FBXL17: variants seen among roughly 807,000 people sequenced by gnomAD.
FBXL17 encodes the protein F-box and leucine rich repeat protein 17.
In FBXL17, 22 loss-of-function variants were observed where a neutral mutation model predicts 66.2. The ratio of observed to expected loss-of-function variants is 0.33; its 90% CI spans 0.24 to 0.47. FBXL17 has a LOEUF of 0.47. Ranked by LOEUF, FBXL17 falls within the 20% of genes least tolerant of loss-of-function variation. The pLI is 1.00. For missense variants in FBXL17, 878 were observed against 948.2 expected (o/e 0.93, Z 0.97); for synonymous variants, 474 against 400.5 (o/e 1.18, Z -2.19).
At chr5:107,898,953 T>G (rs1395697195) in intron 7 of FBXL17, among the ~76,000 whole-genome samples, 1 of 152,176 alleles carries the variant, frequency 6.6e-6, no homozygotes, top group Non-Finnish European at 1.5e-5. Context: ...TATAATAGAA[T>G]GATTTATATT....
chr5:108,317,489 T>C (rs930616299), intron 4 of FBXL17, among the ~76,000 whole-genome samples: 1 of 151,200 alleles, frequency 6.6e-6, no homozygotes, highest in African/African-American at 2.4e-5. Flanking sequence ...TATGTACAAC[T>C]ACTATACATC....
intron 5 of FBXL17, among the ~76,000 whole-genome samples, chr5:108,219,928 C>CTTTTTT: frequency 3.2e-4 from 12 of 37,458 alleles, no homozygotes; most frequent in Admixed American, 7.1e-4. Context: ...TTACTATTTC[C>CTTTTTT]TTTTTTTTTT....
At chr5:108,379,532 G>C (rs148312740) in intron 1 of FBXL17, among the ~76,000 whole-genome samples, 41 of 152,198 alleles carry the variant, frequency 2.7e-4, no homozygotes, top group South Asian at 8.3e-4. Context: ...CAAACACACA[G>C]TACTGTAAAT....
intron 6 of FBXL17, among the ~76,000 whole-genome samples, chr5:108,122,592 G>T (rs1021663856): frequency 6.6e-6 from 1 of 152,140 alleles, no homozygotes; most frequent in African/African-American, 2.4e-5. Flanking sequence ...TCTCTAGAGA[G>T]AAATGAGTAT....
At chr5:108,176,931 C>T (rs1338082441) in intron 6 of FBXL17, among the ~76,000 whole-genome samples, 1 of 152,052 alleles carries the variant, frequency 6.6e-6, no homozygotes, top group African/African-American at 2.4e-5. Context: ...TGAAAAAACC[C>T]ACATACTTAA....
At chr5:108,010,409 C>T (rs1754130399) in intron 7 of FBXL17, among the ~76,000 whole-genome samples, 1 of 152,240 alleles carries the variant, frequency 6.6e-6, no homozygotes, top group African/African-American at 2.4e-5. Context: ...GTATTGGGTA[C>T]AAGAAACTAC....
chr5:108,273,595 A>C (rs1430759932), intron 4 of FBXL17, among the ~76,000 whole-genome samples: 1 of 151,390 alleles, frequency 6.6e-6, no homozygotes, highest in African/African-American at 2.4e-5. Flanking sequence ...CTCAGAGGCA[A>C]ATGTACAGCC....
intron 4 of FBXL17, among the ~76,000 whole-genome samples, chr5:108,316,587 C>T (rs1034783833): frequency 6.6e-6 from 1 of 151,202 alleles, no homozygotes; most frequent in Admixed American, 6.6e-5. Flanking sequence ...CACTGAAGAG[C>T]ATTTTTAAAT....
At chr5:107,880,875 A>C in intron 8 of FBXL17, 162 bp downstream of exon 8, 1 of 1,418,462 alleles carries the variant, frequency 7.0e-7, no homozygotes, top group Non-Finnish European at 9.2e-7. Context: ...AGTTTACAAA[A>C]GCAGGCAAAC....
chr5:108,133,671 T>A (rs1751021872), intron 6 of FBXL17, among the ~76,000 whole-genome samples: 2 of 151,928 alleles, frequency 1.3e-5, no homozygotes, highest in Non-Finnish European at 2.9e-5. Flanking sequence ...AACGTTGGTC[T>A]ATAGGAAAGC....
intron 5 of FBXL17, among the ~76,000 whole-genome samples, chr5:108,209,062 T>A (rs1306698576): frequency 1.8e-4 from 28 of 152,174 alleles, no homozygotes; most frequent in Admixed American, 1.8e-3. Context: ...TATTTTATTA[T>A]CTTTGTAGCA....
At chr5:107,947,659 G>C (rs1751358447) in intron 7 of FBXL17, among the ~76,000 whole-genome samples, 1 of 152,054 alleles carries the variant, frequency 6.6e-6, no homozygotes, top group Admixed American at 6.6e-5. Context: ...TTTATCTACT[G>C]GCCCTTTCTA....
chr5:108,043,075 G>C (rs1484649730), intron 6 of FBXL17, among the ~76,000 whole-genome samples: 2 of 152,202 alleles, frequency 1.3e-5, no homozygotes, highest in East Asian at 1.9e-4. Context: ...TAACTGGCTT[G>C]TTTTTAATTA....
In FBXL17 at chr5:108,334,156, AAAAT is replaced by A. The variant is rs978065637; in HGVS notation, c.1506+14239_1506+14242del. ...AGAATTTCTAGGTAATTAAGGTTAAAAAATAAATAAACACCTAAATTGCCCAAGA... is the reference window on the plus strand; with the variant it reads ...AGAATTTCTAGGTAATTAAGGTTAAAAAATAAACACCTAAATTGCCCAAGA... On this transcript the variant is annotated intron_variant, in intron 4 of 8. Coordinates refer to ENST00000542267, the MANE Select transcript of FBXL17 (RefSeq NM_001163315.3). 6.8e-4 allele frequency among the ~76,000 whole-genome samples: 103 copies of A among 152,340 alleles called. 1 individual carries two copies. The highest frequency in any genetic ancestry group is 2.3e-3 in the African/African-American group (96 of 41,578).
intron 7 of FBXL17, among the ~76,000 whole-genome samples, chr5:107,988,739 G>T (rs577137290): frequency 6.6e-6 from 1 of 152,008 alleles, no homozygotes; most frequent in East Asian, 1.9e-4. Flanking sequence ...CTTTAAATTT[G>T]TTGGTCCATT....
intron 7 of FBXL17, among the ~76,000 whole-genome samples, chr5:107,883,740 A>T (rs1013040470): frequency 6.6e-6 from 1 of 152,176 alleles, no homozygotes; most frequent in African/African-American, 2.4e-5. Flanking sequence ...TCGTACAGAG[A>T]AGGTTCTTAA....
chr5:108,119,355 GAA>G (rs1750386073), intron 6 of FBXL17, among the ~76,000 whole-genome samples: 1 of 152,116 alleles, frequency 6.6e-6, no homozygotes, highest in South Asian at 2.1e-4. Context: ...TCAGGGAATG[GAA>G]ACTGCTATTC....
intron 7 of FBXL17, among the ~76,000 whole-genome samples, chr5:107,993,758 C>T (rs2112698670): frequency 6.6e-6 from 1 of 152,220 alleles, no homozygotes; most frequent in East Asian, 1.9e-4. Flanking sequence ...CCTGTCAAAT[C>T]ACACTCCTTG....
chr5:107,945,973 G>A (rs1039851274), intron 7 of FBXL17, among the ~76,000 whole-genome samples: 1 of 151,884 alleles, frequency 6.6e-6, no homozygotes, highest in African/African-American at 2.4e-5. Context: ...TAATCTAACA[G>A]CCAGACATAT....
Sources: allele counts gnomAD v4.1 joint callset (sites outside exome capture counted in the v4.1 genomes callset), GRCh38; gene constraint gnomAD v4.1.1; transcripts MANE v1.5; gene names NCBI Gene and HGNC (gene_info 2026-07-23, HGNC 2026-07-21).